LIG1: variants seen among roughly 807,000 people sequenced by gnomAD.
The protein encoded by LIG1 is ligase I, DNA, ATP-dependent.
In LIG1, 70 loss-of-function variants were observed where a neutral mutation model predicts 115.7. The ratio of observed to expected loss-of-function variants is 0.60; its 90% confidence interval spans 0.50 to 0.74. LIG1 has a LOEUF of 0.74. LIG1 is among the 30% of genes least tolerant of loss of function. The pLI, the probability that LIG1 is intolerant of heterozygous loss-of-function variation, is 0.00. For synonymous variants in LIG1, 487 were observed against 495.3 expected (o/e 0.98, Z 0.22); for missense variants, 1,115 against 1,225.6 (o/e 0.91, Z 1.35).
chr19:48,127,391 G>A (rs759796450), intron 20 of LIG1, 43 bp from the exon 21 acceptor site: 1 of 1,551,272 alleles, frequency 6.4e-7, no homozygotes, highest in East Asian at 2.2e-5. Context: ...AGGAAGGTGA[G>A]ACGGGGCACT....
chr19:48,132,867 G>C, intron 18 of LIG1, 115 bp downstream of exon 18: 1 of 764,984 alleles, frequency 1.3e-6, no homozygotes, highest in Non-Finnish European at 2.4e-6. Context: ...AGAGATGAGC[G>C]AGGGCTCGGC....
rs1400140798 is a variant in LIG1 at position 48,137,021 on chromosome 19, G to T, written c.1318C>A (p.Arg440=). The T allele has an allele frequency of 6.2e-7, 1 of 1,612,560 alleles. No homozygotes were observed. Among genetic ancestry groups the T allele is most frequent in the African/African-American group, 1.3e-5 (1 of 74,910 alleles). ...LFVACRHSEA[R]FIARSLSGRL... ...CCACACGCTTACCTAGCGATGAACC[G>T]GGCTTCTGAGTGGCGGCAGGCCACA... The change falls in exon 14 of 28, where the codon CGG becomes AGG. Residue 440 remains arginine, a synonymous_variant. Coordinates refer to ENST00000263274, the MANE Select transcript of LIG1 (RefSeq NM_000234.3). The surrounding 1 kb of genome is among the most constrained non-coding windows in gnomAD (Gnocchi z 4.3).
In LIG1 at chr19:48,122,840, C is replaced by G; in HGVS notation, c.2232+94G>C. On this transcript the variant is annotated intron_variant, in intron 23 of 27. Transcript: ENST00000263274. This position sits in a 1 kb window ranked among gnomAD's most constrained non-coding sequence, Gnocchi z 4.3. Reference sequence around the variant, plus strand: ...TGTGAAAAGGGGCCCTGAGCTCAGACAGGGTACACAGTGGAGGCTCGAAAT... The same window carrying G: ...TGTGAAAAGGGGCCCTGAGCTCAGAGAGGGTACACAGTGGAGGCTCGAAAT... 4 of 1,136,622 alleles carry G rather than the reference C, an allele frequency of 3.5e-6. No individual in the cohort carries two copies. The highest frequency in any genetic ancestry group is 5.4e-6 in the Non-Finnish European group (4 of 744,596). The allele number at this position is 1,136,622 out of a possible 1,614,324, so 70.4% of individuals were successfully genotyped here. A position where few individuals can be genotyped will look rare whatever the true frequency, so the allele number is the denominator to read the frequency against.
intron 24 of LIG1, among the ~76,000 whole-genome samples, chr19:48,119,762 C>T (rs1346139265): frequency 2.0e-5 from 3 of 151,990 alleles, no homozygotes; most frequent in Admixed American, 6.6e-5. Flanking sequence ...AGGCTGGTCC[C>T]GAACTCCTGG....
In LIG1 at chr19:48,127,982, G is replaced by C. The variant is rs757371674; in HGVS notation, c.1860C>G (p.Thr620=). The part of the protein sequence containing the change: ...LPSVTSFILD[T]EAVAWDREKK... ...TTTCCCGGTCCCAAGCCACGGCTTCGGTGTCCAGGATGAAGGATGTGACCG... is the reference window on the plus strand; with the variant it reads ...TTTCCCGGTCCCAAGCCACGGCTTCCGTGTCCAGGATGAAGGATGTGACCG... Residue 620 remains threonine, a synonymous_variant, in exon 20 of 28, where the codon ACC becomes ACG. Transcript: ENST00000263274. The C allele has an allele frequency of 6.2e-7, 1 of 1,614,098 alleles. No individual in the cohort carries two copies. Among genetic ancestry groups the C allele is most frequent in the Non-Finnish European group, 8.5e-7 (1 of 1,180,008 alleles).
intron 18 of LIG1, among the ~76,000 whole-genome samples, chr19:48,132,472 C>T (rs777679598): frequency 6.6e-6 from 1 of 151,940 alleles, no homozygotes; most frequent in Non-Finnish European, 1.5e-5. Flanking sequence ...ATTGTAGCTT[C>T]GGATAAGCTG....
intron 21 of LIG1, among the ~76,000 whole-genome samples, chr19:48,126,034 C>T (rs2033645548): frequency 6.6e-6 from 1 of 150,952 alleles, no homozygotes. Flanking sequence ...ATGATTGCAG[C>T]TAATTTTTTT....
intron 9 of LIG1, among the ~76,000 whole-genome samples, chr19:48,148,132 C>A (rs2035239099): frequency 6.6e-6 from 1 of 152,118 alleles, no homozygotes. Flanking sequence ...GCCTGCTGGG[C>A]AGGGTGGGTT....
At chr19:48,151,764 GCT>G (rs752351289) in intron 6 of LIG1, among the ~76,000 whole-genome samples, 1 of 151,966 alleles carries the variant, frequency 6.6e-6, no homozygotes. Flanking sequence ...GTAAGACCCT[GCT>G]CCTTGTCAAC....
At chr19:48,144,091 C>G (rs2034960888) in intron 9 of LIG1, 128 bp from the exon 10 acceptor site, 1 of 811,432 alleles carries the variant, frequency 1.2e-6, no homozygotes, top group Non-Finnish European at 2.1e-6. Flanking sequence ...ACAAAGTTTG[C>G]TAACCTGGAG....
chr19:48,161,634 C>T (rs1425364257), intron 3 of LIG1, 127 bp from the exon 4 acceptor site: 1 of 1,135,508 alleles, frequency 8.8e-7, no homozygotes, highest in Non-Finnish European at 1.3e-6. Context: ...TGAACATTTT[C>T]TGGTTGTCTC....
Position 48,122,337 on chromosome 19 carries a change from G to A in LIG1, c.2232+597C>T, listed in dbSNP as rs1446705928. The A allele has an allele frequency of 6.2e-6, 1 of 160,204 alleles. No individual in the cohort carries two copies. The highest frequency in any genetic ancestry group is 1.4e-5 in the Non-Finnish European group (1 of 72,444). The allele number at this position is 160,204 out of a possible 1,614,324, so 9.9% of individuals were successfully genotyped here. On this transcript the variant is annotated intron_variant, in intron 23 of 27. Transcript: ENST00000263274. This position sits in a 1 kb window ranked among gnomAD's most constrained non-coding sequence, Gnocchi z 4.3. ...GACTTCCTGAAACCTTCAAGAGGAA[G>A]ATCCAGTTTTATCTCACAGTGGCCC...
At chr19:48,131,513 C>T (rs1485373140) in intron 18 of LIG1, among the ~76,000 whole-genome samples, 1 of 152,202 alleles carries the variant, frequency 6.6e-6, no homozygotes, top group East Asian at 1.9e-4. Flanking sequence ...GGCTGGAGAG[C>T]AGTGGTGCAA....
In LIG1 at chr19:48,170,292, G is replaced by A; in HGVS notation, c.-109C>T. On this transcript the variant is annotated 5_prime_UTR_variant, in exon 1 of 28. Coordinates refer to ENST00000263274, the MANE Select transcript of LIG1 (RefSeq NM_000234.3). ...CCGGGCAACACACTCAGATCCGCCA[G>A]GCGCGCCTCTGCAGTCCCAAGTTCG... is the stretch of plus-strand genomic sequence containing the variant. 2.2e-6 allele frequency: 1 copy of A among 454,146 alleles called. No homozygotes were observed. The highest frequency in any genetic ancestry group is 1.6e-5 in the South Asian group (1 of 64,448). The allele number at this position is 454,146 out of a possible 1,614,324, so 28.1% of individuals were successfully genotyped here. A position where few individuals can be genotyped will look rare whatever the true frequency, so the allele number is the denominator to read the frequency against.
intron 21 of LIG1, among the ~76,000 whole-genome samples, chr19:48,125,725 ACGCC>A (rs2033620576): frequency 6.6e-6 from 1 of 152,202 alleles, no homozygotes; most frequent in Non-Finnish European, 1.5e-5. Flanking sequence ...GTGGTGGCTC[ACGCC>A]TGTAAATCCC....
chr19:48,154,257 G>T (rs1042305460), intron 5 of LIG1: 1 of 394,972 alleles, frequency 2.5e-6, no homozygotes, highest in Non-Finnish European at 4.9e-6. Context: ...GCACAGTACC[G>T]ATTCCAGCAG....
At position 48,157,086 on chromosome 19, in the gene LIG1, CAGG is replaced by C; in HGVS notation, c.295_297del (p.Pro99del). 6.2e-7 allele frequency: 1 copy of C among 1,613,218 alleles called. No individual in the cohort carries two copies. On this transcript the variant is annotated inframe_deletion, in exon 5 of 28. Coordinates refer to ENST00000263274, the MANE Select transcript of LIG1 (RefSeq NM_000234.3). ...GTGTCAGAGAGGGAAGCATTGTTCT[CAGG>C]AGATGTGGCAGGACGGGGCGGGGAG... is the stretch of plus-strand genomic sequence containing the variant.
At chr19:48,131,254 G>T in intron 18 of LIG1, 83 bp from the exon 19 acceptor site, 1 of 988,764 alleles carries the variant, frequency 1.0e-6, no homozygotes, top group Non-Finnish European at 1.6e-6. Context: ...CACCTGCACT[G>T]GTAGAAGGTT....
intron 4 of LIG1, among the ~76,000 whole-genome samples, chr19:48,158,133 T>C (rs983958801): frequency 6.6e-6 from 1 of 152,254 alleles, no homozygotes; most frequent in Non-Finnish European, 1.5e-5. Context: ...ATGCTGGCAC[T>C]ATACTTCTTG....
Sources: gnomAD v4.1 joint callset for allele counts (sites outside exome capture counted in the v4.1 genomes callset) on GRCh38, gnomAD v4.1.1 for gene constraint, Gnocchi (gnomAD v3.1) non-coding constraint, MANE v1.5 for transcripts, NCBI Gene and HGNC (gene_info 2026-07-23, HGNC 2026-07-21) for gene names.